RPAIN: variants seen among roughly 807,000 people sequenced by gnomAD.
The protein encoded by RPAIN is RPA-interacting protein.
A neutral mutation model predicts 30.5 loss-of-function variants in RPAIN; 29 were observed. The ratio of observed to expected loss-of-function variants is 0.95; its 90% CI spans 0.71 to 1.30. The LOEUF (loss-of-function observed/expected upper bound fraction) is 1.30. Among genes scored for constraint, RPAIN ranks in the 50% most tolerant of loss-of-function variants. RPAIN has a pLI of 0.00. For synonymous variants in RPAIN, 101 were observed against 93.5 expected (o/e 1.08, Z -0.46); for missense variants, 247 against 264.7 (o/e 0.93, Z 0.46).
At chr17:5,423,865 A>C (rs1597340915) in intron 3 of RPAIN, among the ~76,000 whole-genome samples, 1 of 149,494 alleles carries the variant, frequency 6.7e-6, no homozygotes, top group Non-Finnish European at 1.5e-5. Context: ...CGATCTTCCC[A>C]CCTCAGCCTT....
At chr17:5,429,356 G>A (rs1450433157) in intron 6 of RPAIN, 2 of 985,376 alleles carry the variant, frequency 2.0e-6, no homozygotes, top group Admixed American at 6.1e-5. Flanking sequence ...AGAGAAGCAG[G>A]AAACTGGAGT....
chr17:5,421,514 A>G (rs533874027), intron 2 of RPAIN, 48 bp downstream of exon 2: 319 of 1,563,254 alleles, frequency 2.0e-4, no homozygotes, highest in Non-Finnish European at 2.7e-4. Flanking sequence ...CACCACCAAG[A>G]ACGGCTCGTG....
At chr17:5,431,831 C>A (rs1915986711) in intron 6 of RPAIN, 1 of 349,140 alleles carries the variant, frequency 2.9e-6, no homozygotes, top group Non-Finnish European at 5.6e-6. Flanking sequence ...TTAGAGAAAG[C>A]CAAACATATT....
At chr17:5,425,081 C>G in intron 3 of RPAIN, 1 of 294,060 alleles carries the variant, frequency 3.4e-6, no homozygotes, top group Non-Finnish European at 6.6e-6. Flanking sequence ...AATTTCTCAG[C>G]TCTGCAGTTC....
At chr17:5,425,269 A>T in intron 3 of RPAIN, 1 of 455,150 alleles carries the variant, frequency 2.2e-6, no homozygotes, top group Non-Finnish European at 4.4e-6. Flanking sequence ...GAGCACACAG[A>T]TTCTGAACAA....
At chr17:5,429,722 T>C (rs1484151042) in intron 6 of RPAIN, 4 of 985,494 alleles carry the variant, frequency 4.1e-6, no homozygotes, top group Non-Finnish European at 4.8e-6. Context: ...TGCTCAAATA[T>C]GCAGTGCTTT....
At chr17:5,422,054 A>G (rs1393992102) in intron 2 of RPAIN, 1 of 152,274 alleles carries the variant, frequency 6.6e-6, no homozygotes, top group African/African-American at 2.4e-5. Flanking sequence ...ATCTCTTTCT[A>G]AAAAGGTCTC....
intron 3 of RPAIN, 68 bp downstream of exon 3, chr17:5,422,897 T>A (rs1316348756): frequency 1.6e-6 from 2 of 1,289,620 alleles, no homozygotes; most frequent in Admixed American, 1.7e-5. Flanking sequence ...TTTCCTCCAA[T>A]CAGGATTAGT....
intron 3 of RPAIN, 29 bp downstream of exon 3, chr17:5,422,858 C>A (rs2189337): frequency 6.5e-7 from 1 of 1,534,014 alleles, no homozygotes; most frequent in Non-Finnish European, 9.0e-7. Flanking sequence ...CCTTCCTTAC[C>A]TGTATTTAGC....
Position 5,432,464 on chromosome 17 carries a change from C to G in RPAIN, c.631-78C>G. The G allele has an allele frequency of 2.2e-6, 3 of 1,354,778 alleles. No individual in the cohort carries two copies. The South Asian group carries it at 3.5e-5, about 16-fold the overall frequency. 83.9% of individuals were successfully genotyped at this position (1,354,778 alleles called of 1,614,324 possible). On this transcript the variant is annotated intron_variant, in intron 6 of 6. Coordinates refer to ENST00000381209, the MANE Select transcript of RPAIN (RefSeq NM_001033002.4). ...GACCTCATCTAATGTGTAGAATTCT[C>G]ATTGATTACAACTTTTATCAGATAT...
In RPAIN at chr17:5,420,401, G is replaced by C. The variant is rs1038886126; in HGVS notation, c.81+110G>C. On this transcript the variant is annotated intron_variant, in intron 1 of 6. Transcript: ENST00000381209. ...TGGAGCAGGTGCCGCAGCGCGCCTG[G>C]TCTGGTCAAACCCAGGCCTGCTGAC... 8.6e-6 allele frequency: 8 copies of C among 932,976 alleles called. No homozygotes were observed. The African/African-American group carries it at 1.3e-4, about 15-fold the overall frequency. 57.8% of individuals were successfully genotyped at this position (932,976 alleles called of 1,614,324 possible).
chr17:5,428,278 TAGAAATAATGACCTA>T, intron 6 of RPAIN, 67 bp downstream of exon 6: 1 of 1,611,740 alleles, frequency 6.2e-7, no homozygotes, highest in Non-Finnish European at 8.5e-7. Flanking sequence ...CCCACCTTGA[TAGAAATAATGACCTA>T]TAAACAGGTA....
chr17:5,420,343 C>A (rs767694713), intron 1 of RPAIN, 52 bp downstream of exon 1: 3 of 1,505,516 alleles, frequency 2.0e-6, no homozygotes, highest in Admixed American at 1.8e-5. Context: ...CGGTGACCGC[C>A]GTCTTCCCTG....
chr17:5,421,962 T>C (rs1914903127), intron 2 of RPAIN: 1 of 152,678 alleles, frequency 6.5e-6, no homozygotes, highest in Non-Finnish European at 1.5e-5. Context: ...ATTTTGTTTC[T>C]GTTTTAGCAG....
rs567598120 is a variant in RPAIN at position 5,426,193 on chromosome 17, G to A, written c.426-43G>A. On this transcript the variant is annotated intron_variant, in intron 4 of 6. Coordinates refer to ENST00000381209, the MANE Select transcript of RPAIN (RefSeq NM_001033002.4). ...TGAAATTCAAGGTTTGGAGATCCAG[G>A]TCTGGTGGCCATGATGCTCTGGGAT... 4 of 1,601,296 alleles carry A rather than the reference G, an allele frequency of 2.5e-6. No individual in the cohort carries two copies. The South Asian group carries it at 3.3e-5, about 13-fold the overall frequency.
intron 3 of RPAIN, among the ~76,000 whole-genome samples, chr17:5,423,349 T>TAA (rs57082873): frequency 3.1e-5 from 4 of 127,126 alleles, no homozygotes; most frequent in South Asian, 2.4e-4. Flanking sequence ...TCTACAGAAG[T>TAA]AAAAAAAAAA....
At position 5,425,970 on chromosome 17, in the gene RPAIN, G is replaced by T. The variant is rs759000884; in HGVS notation, c.314-1G>T. ...GCCCTCCAACTGCCTTTGCCTTGCAGAGCAGTCCATCATCAGCGAGTATGA... is the reference window on the plus strand; with the variant it reads ...GCCCTCCAACTGCCTTTGCCTTGCATAGCAGTCCATCATCAGCGAGTATGA... On this transcript the variant is annotated splice_acceptor_variant, in intron 3 of 6. Transcript: ENST00000381209. LOFTEE classifies it high-confidence loss of function. 1 of 1,608,916 alleles carries T rather than the reference G, an allele frequency of 6.2e-7. No homozygotes were observed. Among genetic ancestry groups the T allele is most frequent in the Non-Finnish European group, 8.5e-7 (1 of 1,175,646 alleles).
chr17:5,431,189 C>A, intron 6 of RPAIN: 1 of 326,564 alleles, frequency 3.1e-6, no homozygotes, highest in Non-Finnish European at 5.9e-6. Flanking sequence ...GGGGTCACAG[C>A]AAATATGAGA....
chr17:5,421,308 A>G lies in RPAIN; in HGVS notation c.94A>G (p.Arg32Gly), dbSNP rs1914791479. ...KEAFRQRCLERMRNSRDRLLN... is the reference protein window; with the variant it reads ...KEAFRQRCLEGMRNSRDRLLN... ...TCTTTTTTCCCAGAGATGCCTGGAG[A>G]GAATGAGAAACAGCCGGGACAGGCT... The change falls in exon 2 of 7, where the codon AGA (arginine) becomes GGA (glycine). Residue 32 changes from arginine (R) to glycine (G), a missense_variant. Physicochemically the swap from Arg to Gly is moderately radical, Grantham distance 125. Coordinates refer to ENST00000381209, the MANE Select transcript of RPAIN (RefSeq NM_001033002.4). 2 of 1,608,290 alleles carry G rather than the reference A, an allele frequency of 1.2e-6. No individual in the cohort carries two copies.
Sources: allele counts gnomAD v4.1 joint callset (sites outside exome capture counted in the v4.1 genomes callset), GRCh38; gene constraint gnomAD v4.1.1; transcripts MANE v1.5; gene names NCBI Gene and HGNC (gene_info 2026-07-23, HGNC 2026-07-21).